Variants in LRP5 observed in about 807,000 individuals in gnomAD.
The protein encoded by LRP5 is low-density lipoprotein receptor-related protein 5.
Under a neutral mutation model 154.1 loss-of-function variants are expected in LRP5, and 62 were observed. That is an observed-to-expected ratio of 0.40 (90% CI 0.33 to 0.50). The LOEUF is 0.50. LRP5 is among the 20% of genes least tolerant of loss of function. The probability of loss-of-function intolerance (pLI) is 0.55; values close to 1 mark genes in which losing one functional copy is unlikely to be tolerated. For synonymous variants in LRP5, 966 were observed against 1,011.5 expected, an observed-to-expected ratio of 0.96 and a Z score of 0.85; for missense variants, 1,915 against 2,336.7, an observed-to-expected ratio of 0.82 and a Z score of 3.72.
chr11:68,390,176 T>C (rs1234743872), intron 7 of LRP5, 124 bp downstream of exon 7: 1 of 1,195,702 alleles, frequency 8.4e-7, no homozygotes, highest in African/African-American at 1.5e-5. Context: ...CATGGAATGC[T>C]TGAGAAAATA....
At chr11:68,337,343 C>T (rs909193810) in intron 1 of LRP5, among the ~76,000 whole-genome samples, 1 of 152,052 alleles carries the variant, frequency 6.6e-6, no homozygotes, top group Admixed American at 6.6e-5. Flanking sequence ...AGGGTAGTAG[C>T]GTGAATAACT....
intron 5 of LRP5, among the ~76,000 whole-genome samples, chr11:68,374,358 C>T (rs1203282621): frequency 6.6e-6 from 1 of 152,194 alleles, no homozygotes; most frequent in Non-Finnish European, 1.5e-5. Context: ...AAAGGAGGTC[C>T]TGTGGGGCCG....
chr11:68,379,531 C>T (rs1335134235), intron 5 of LRP5, among the ~76,000 whole-genome samples: 2 of 152,152 alleles, frequency 1.3e-5, no homozygotes, highest in African/African-American at 4.8e-5. Context: ...CAGCTCTGAG[C>T]GGCTCCCTTC....
At chr11:68,427,277 C>T (rs907020016) in intron 16 of LRP5, among the ~76,000 whole-genome samples, 2 of 152,126 alleles carry the variant, frequency 1.3e-5, no homozygotes, top group African/African-American at 2.4e-5. Flanking sequence ...GGAGGGGCCT[C>T]CACAGCTGGG....
In LRP5 at chr11:68,439,831, G is replaced by A. The variant is rs1027978300; in HGVS notation, c.4403G>A (p.Gly1468Asp). Reference sequence around the variant, plus strand: ...TCCGTGAGCCTGATGGGGGGCCGGGGCGGGGTGCCCCTCTACGACCGGAAC... The same window carrying A: ...TCCGTGAGCCTGATGGGGGGCCGGGACGGGGTGCCCCTCTACGACCGGAAC... ...MSSVSLMGGRGGVPLYDRNHV... is the reference protein window; with the variant it reads ...MSSVSLMGGRDGVPLYDRNHV... The change falls in exon 21 of 23, where the codon GGC becomes GAC. Residue 1468 changes from glycine (G) to aspartate (D), a missense_variant. Around this residue, in one of 3 missense-constraint regions of LRP5, gnomAD observed 1,094 missense variants for 1,210.1 expected, o/e 0.90. Transcript: ENST00000294304. 1 of 1,611,366 alleles carries A rather than the reference G, an allele frequency of 6.2e-7. No homozygotes were observed. The highest frequency in any genetic ancestry group is 1.1e-5 in the South Asian group (1 of 90,560).
chr11:68,373,277 C>T (rs915289593), intron 5 of LRP5, among the ~76,000 whole-genome samples: 4 of 152,142 alleles, frequency 2.6e-5, no homozygotes, highest in African/African-American at 7.2e-5. Flanking sequence ...GAGTCAGGTG[C>T]CTTCCCCAAG....
Position 68,386,619 on chromosome 11 carries a change from T to C in LRP5, c.1319T>C (p.Ile440Thr). 1.2e-6 allele frequency: 2 copies of C among 1,613,402 alleles called. No homozygotes were observed. The highest frequency in any genetic ancestry group is 1.7e-6 in the Non-Finnish European group (2 of 1,179,910). The change falls in exon 6 of 23, where the codon ATC becomes ACC. Residue 440 changes from isoleucine (I) to threonine (T), a missense_variant. This residue lies in a region of LRP5 where 773 missense variants were observed against 1,100.9 expected (regional missense o/e 0.70). Transcript: ENST00000294304. The surrounding 1 kb of genome is among the most constrained non-coding windows in gnomAD (Gnocchi z 7.9). ...LYWTDTGTDR[I>T]EVTRLNGTSR... ...TGGACCGACACGGGCACGGACCGCA[T>C]CGAGGTGACGCGCCTCAACGGCACC... is the stretch of plus-strand genomic sequence containing the variant.
At chr11:68,363,512 C>G (rs1187094363) in intron 3 of LRP5, among the ~76,000 whole-genome samples, 1 of 152,106 alleles carries the variant, frequency 6.6e-6, no homozygotes, top group East Asian at 1.9e-4. Context: ...CAAAAATCAT[C>G]TGGGCGTAGT....
intron 22 of LRP5, chr11:68,446,900 C>T (rs2098681743): frequency 2.8e-6 from 1 of 357,488 alleles, no homozygotes; most frequent in African/African-American, 2.1e-5. Flanking sequence ...ATTGAGATGC[C>T]CCCTCTTGGT....
At chr11:68,395,363 T>C (rs886457203) in intron 7 of LRP5, among the ~76,000 whole-genome samples, 15 of 148,498 alleles carry the variant, frequency 1.0e-4, no homozygotes, top group African/African-American at 3.5e-4. Context: ...GGCGTCACAG[T>C]AGCAGAAGGG....
At chr11:68,327,369 G>A (rs1217279117) in intron 1 of LRP5, among the ~76,000 whole-genome samples, 1 of 152,224 alleles carries the variant, frequency 6.6e-6, no homozygotes, top group Admixed American at 6.5e-5. Context: ...GCCAGGAGGG[G>A]ACAAGCATCC....
At position 68,400,172 on chromosome 11, in the gene LRP5, G is replaced by A. The variant is rs555614158; in HGVS notation, c.1585-3311G>A. Among the ~76,000 whole-genome samples, 4 of 152,260 alleles carry A rather than the reference G, an allele frequency of 2.6e-5. No individual in the cohort carries two copies. In the South Asian group the frequency reaches 6.2e-4, roughly 24 times the overall value. Reference sequence around the variant, plus strand: ...CCCCAGCCGGGTGGAACAGCCCGTCGCCTCCTCTCACTTTGTTTTGGGGCC... The same window carrying A: ...CCCCAGCCGGGTGGAACAGCCCGTCACCTCCTCTCACTTTGTTTTGGGGCC... On this transcript the variant is annotated intron_variant, in intron 7 of 22. Coordinates refer to ENST00000294304, the MANE Select transcript of LRP5 (RefSeq NM_002335.4).
chr11:68,436,143 C>T (rs574743733), intron 18 of LRP5, among the ~76,000 whole-genome samples: 6 of 152,334 alleles, frequency 3.9e-5, no homozygotes, highest in Admixed American at 1.3e-4. Context: ...GCCCTTACGC[C>T]GGTTCTGGCT....
intron 21 of LRP5, among the ~76,000 whole-genome samples, chr11:68,444,517 AAAC>A (rs1402310645): frequency 6.0e-5 from 9 of 149,798 alleles, no homozygotes; most frequent in Non-Finnish European, 1.0e-4. Flanking sequence ...GACTCAGTCA[AAAC>A]AACAACAACG....
chr11:68,419,117 C>G (rs1164247961), intron 13 of LRP5, among the ~76,000 whole-genome samples: 1 of 152,144 alleles, frequency 6.6e-6, no homozygotes, highest in Non-Finnish European at 1.5e-5. Context: ...CCCCTGCTCC[C>G]CCAAAAGATG....
rs1294060427 is a variant in LRP5 at position 68,406,544 on chromosome 11, A to G, written c.1822A>G (p.Arg608Gly). 1 of 1,614,038 alleles carries G rather than the reference A, an allele frequency of 6.2e-7. No homozygotes were observed. Among genetic ancestry groups the G allele is most frequent in the African/African-American group, 1.3e-5 (1 of 74,932 alleles). ...TCCAGGAACCAACCCGTGTGCGGAC[A>G]GGAACGGGGGGTGCAGCCACCTGTG... ...KVVGTNPCAD[R>G]NGGCSHLCFF... Residue 608 changes from arginine to glycine, a missense_variant, in exon 9 of 23, where the codon AGG (arginine) becomes GGG (glycine). This residue lies in a region of LRP5 where 773 missense variants were observed against 1,100.9 expected (regional missense o/e 0.70). Transcript: ENST00000294304.
chr11:68,358,406 C>T (rs1299698767), intron 3 of LRP5, among the ~76,000 whole-genome samples: 1 of 152,206 alleles, frequency 6.6e-6, no homozygotes, highest in Non-Finnish European at 1.5e-5. Flanking sequence ...AGCCACCGCA[C>T]CCGGCCCATG....
intron 1 of LRP5, among the ~76,000 whole-genome samples, chr11:68,318,444 A>G (rs181740482): frequency 2.0e-5 from 3 of 150,528 alleles, no homozygotes; most frequent in Non-Finnish European, 3.0e-5. Context: ...GGCTGAAGCA[A>G]TCCTCTCACC....
intron 12 of LRP5, among the ~76,000 whole-genome samples, chr11:68,414,289 G>A (rs554143429): frequency 8.5e-5 from 13 of 152,324 alleles, no homozygotes; most frequent in African/African-American, 3.1e-4. Flanking sequence ...CAGGGGAAGG[G>A]TGCTTGCTCA....
Sources: allele counts gnomAD v4.1 joint callset (sites outside exome capture counted in the v4.1 genomes callset), GRCh38; gene constraint gnomAD v4.1.1; regional missense constraint gnomAD v4.1.1; non-coding constraint Gnocchi (gnomAD v3.1); transcripts MANE v1.5; gene names NCBI Gene and HGNC (gene_info 2026-07-23, HGNC 2026-07-21).